Variants in GTPBP4 observed in about 807,000 individuals in gnomAD.
GTPBP4 encodes GTP binding protein 4.
Under a neutral mutation model 81.7 loss-of-function variants are expected in GTPBP4, and 15 were observed. The ratio of observed to expected loss-of-function variants is 0.18; its 90% CI spans 0.12 to 0.28. GTPBP4 has a LOEUF of 0.28. Ranked by LOEUF, GTPBP4 falls within the 10% of genes least tolerant of loss-of-function variation. The pLI, the probability that GTPBP4 is intolerant of heterozygous loss-of-function variation, is 1.00. For synonymous variants in GTPBP4, 272 were observed against 274.6 expected, an observed-to-expected ratio of 0.99 and a Z score of 0.09; for missense variants, 847 against 793.8, an observed-to-expected ratio of 1.07 and a Z score of -0.81.
intron 6 of GTPBP4, 64 bp downstream of exon 6, chr10:999,159 C>T (rs3763720): frequency 0.09 from 84,319 of 938,640 alleles, 4,602 homozygotes; most frequent in Middle Eastern, 0.13. Context: ...ACTCTTGTTG[C>T]CCAGGCTGGA....
chr10:1,010,692 C>G (rs982032318), intron 13 of GTPBP4, among the ~76,000 whole-genome samples, 172 bp downstream of exon 13: 3 of 150,308 alleles, frequency 2.0e-5, no homozygotes, highest in African/African-American at 7.3e-5. Flanking sequence ...GGTGGAGATA[C>G]TGGCCCTGGC....
In GTPBP4 at chr10:1,017,322, T is replaced by C. The variant is rs1832011330; in HGVS notation, c.*95T>C. 8.8e-7 allele frequency: 1 copy of C among 1,136,080 alleles called. No homozygotes were observed. Among genetic ancestry groups the C allele is most frequent in the Non-Finnish European group, 1.3e-6 (1 of 786,844 alleles). 70.4% of individuals were successfully genotyped at this position (1,136,080 alleles called of 1,614,324 possible). A position where few individuals can be genotyped will look rare whatever the true frequency, so the allele number is the denominator to read the frequency against. ...CATGAAATTGGAGCTCTGTATAAAC[T>C]GAAAAAGACAAAATAAGTAAAGCAC... On this transcript the variant is annotated 3_prime_UTR_variant, in exon 17 of 17. Coordinates refer to ENST00000360803, the MANE Select transcript of GTPBP4 (RefSeq NM_012341.3).
At chr10:1,015,497 G>A (rs11250218) in intron 15 of GTPBP4, among the ~76,000 whole-genome samples, 514 of 15,166 alleles carry the variant, frequency 0.034, 11 homozygotes, top group East Asian at 0.044. Flanking sequence ...CTGGGAGTGG[G>A]GCTGGGGTCC....
At chr10:1,003,204 C>T (rs1831669980) in intron 8 of GTPBP4, among the ~76,000 whole-genome samples, 1 of 152,098 alleles carries the variant, frequency 6.6e-6, no homozygotes, top group African/African-American at 2.4e-5. Context: ...ATTGTATTAT[C>T]TCATCCATTG....
At chr10:995,130 G>T (rs532045384) in intron 2 of GTPBP4, among the ~76,000 whole-genome samples, 1 of 152,144 alleles carries the variant, frequency 6.6e-6, no homozygotes, top group Non-Finnish European at 1.5e-5. Flanking sequence ...AGGAGATGCT[G>T]GCCTGGTGAT....
At chr10:1,014,713 T>A (rs1831944458) in intron 15 of GTPBP4, among the ~76,000 whole-genome samples, 1 of 151,744 alleles carries the variant, frequency 6.6e-6, no homozygotes, top group Non-Finnish European at 1.5e-5. Flanking sequence ...ACGTGGGAAA[T>A]TACAGCAAAA....
chr10:1,008,415 A>T (rs1455909486), intron 10 of GTPBP4: 1 of 348,420 alleles, frequency 2.9e-6, no homozygotes, highest in Non-Finnish European at 5.6e-6. Flanking sequence ...AAAAAAAAAA[A>T]TTATCTTTTA....
chr10:1,007,223 A>G (rs1201418702), intron 10 of GTPBP4, 95 bp downstream of exon 10: 1 of 697,234 alleles, frequency 1.4e-6, no homozygotes, highest in Non-Finnish European at 2.6e-6. Context: ...AGCTTCACAC[A>G]CTCGCAGGTG....
Position 996,086 on chromosome 10 carries a change from ATATTTTT to A in GTPBP4, c.324-10_324-4del. The stretch of plus-strand genomic sequence containing the variant: ...TAAGTTATCGAAAGTGGAAAAAATA[ATATTTTT>A]TATTTTTTACAGTGTTGCTAAAGAT... On this transcript the variant is annotated splice_polypyrimidine_tract_variant and intron_variant, in intron 3 of 16. Transcript: ENST00000360803. The A allele has an allele frequency of 1.2e-6, 1 of 843,010 alleles. No homozygotes were observed. The highest frequency in any genetic ancestry group is 2.6e-5 in the South Asian group (1 of 39,070). The allele number at this position is 843,010 out of a possible 1,614,324, so 52.2% of individuals were successfully genotyped here. A position where few individuals can be genotyped will look rare whatever the true frequency, so the allele number is the denominator to read the frequency against.
intron 9 of GTPBP4, among the ~76,000 whole-genome samples, chr10:1,006,678 A>G (rs191917002): frequency 1.2e-4 from 18 of 151,872 alleles, no homozygotes; most frequent in African/African-American, 3.9e-4. Context: ...GGTCGCACTC[A>G]GGATTTAAAA....
intron 13 of GTPBP4, among the ~76,000 whole-genome samples, chr10:1,011,870 G>T (rs985270269): frequency 2.6e-5 from 4 of 152,200 alleles, no homozygotes; most frequent in African/African-American, 7.2e-5. Flanking sequence ...GAAGCCTTGA[G>T]ACTTCCCTCC....
At chr10:991,820 C>T (rs1264493046) in intron 1 of GTPBP4, among the ~76,000 whole-genome samples, 9 of 148,922 alleles carry the variant, frequency 6.0e-5, no homozygotes, top group African/African-American at 1.5e-4. Flanking sequence ...CTCAGCCTCC[C>T]GAGTAGCTGG....
intron 4 of GTPBP4, 136 bp from the exon 5 acceptor site, chr10:997,072 C>A (rs1831548881): frequency 1.5e-6 from 1 of 682,160 alleles, no homozygotes; most frequent in Non-Finnish European, 2.6e-6. Flanking sequence ...ACTATTTTCT[C>A]CATCACTTTT....
chr10:999,007 C>A lies in GTPBP4; in HGVS notation c.566C>A (p.Thr189Lys). The A allele has an allele frequency of 6.3e-7, 1 of 1,581,780 alleles. No individual in the cohort carries two copies. Among genetic ancestry groups the A allele is most frequent in the Non-Finnish European group, 8.7e-7 (1 of 1,150,424 alleles). The stretch of plus-strand genomic sequence containing the variant: ...GAAAGTTCTCACTTGTTCCAGGTGA[C>A]GAGAGCAGACGTGGATGTCCAGCCC... ...VGKSSFINKV[T>K]RADVDVQPYA... is the part of the protein sequence containing the mutation. The change falls in exon 6 of 17, where the codon ACG (threonine) becomes AAG (lysine). Residue 189 changes from threonine (T) to lysine (K), a missense_variant. Around this residue, in one of 3 missense-constraint regions of GTPBP4, gnomAD observed 600 missense variants for 557.1 expected, o/e 1.08. Transcript: ENST00000360803.
At position 1,017,349 on chromosome 10, in the gene GTPBP4, T is replaced by C; in HGVS notation, c.*122T>C. The stretch of plus-strand genomic sequence containing the variant: ...AAAAAGACAAAATAAGTAAAGCACT[T>C]GTTGCTTTGCTGAAAACTATGGTTA... On this transcript the variant is annotated 3_prime_UTR_variant, in exon 17 of 17. Transcript: ENST00000360803. The C allele has an allele frequency of 1.1e-6, 1 of 933,278 alleles. No individual in the cohort carries two copies. The allele number at this position is 933,278 out of a possible 1,614,324, so 57.8% of individuals were successfully genotyped here. A position where few individuals can be genotyped will look rare whatever the true frequency, so the allele number is the denominator to read the frequency against.
At chr10:1,010,947 G>A (rs1229528442) in intron 13 of GTPBP4, among the ~76,000 whole-genome samples, 1 of 149,052 alleles carries the variant, frequency 6.7e-6, no homozygotes, top group African/African-American at 2.5e-5. Flanking sequence ...GAGATGCTGG[G>A]CCTCTTCATT....
At chr10:1,003,983 C>T (rs1325320392) in intron 8 of GTPBP4, among the ~76,000 whole-genome samples, 2 of 152,046 alleles carry the variant, frequency 1.3e-5, no homozygotes, top group Non-Finnish European at 2.9e-5. Flanking sequence ...GATCTCTGAT[C>T]CTGAAGCACC....
chr10:993,111 C>T (rs1831475907), intron 2 of GTPBP4, among the ~76,000 whole-genome samples: 1 of 152,118 alleles, frequency 6.6e-6, no homozygotes, highest in South Asian at 2.1e-4. Context: ...GATCTTGTTG[C>T]TTCATCAGCT....
At chr10:1,000,217 T>C (rs1307060082) in intron 6 of GTPBP4, among the ~76,000 whole-genome samples, 2 of 150,626 alleles carry the variant, frequency 1.3e-5, no homozygotes, top group Non-Finnish European at 2.9e-5. Context: ...TTTTGTGGTA[T>C]TCAGTTTGGG....
Sources: gnomAD v4.1 joint callset for allele counts (sites outside exome capture counted in the v4.1 genomes callset) on GRCh38, gnomAD v4.1.1 for gene constraint, gnomAD v4.1.1 regional missense constraint, MANE v1.5 for transcripts, NCBI Gene and HGNC (gene_info 2026-07-23, HGNC 2026-07-21) for gene names.